ROBO2: variants seen among roughly 807,000 people sequenced by gnomAD.
The protein encoded by ROBO2 is roundabout homolog 2.
In ROBO2, 53 loss-of-function variants were observed where a neutral mutation model predicts 160.8. That is an observed-to-expected ratio of 0.33 (90% CI 0.26 to 0.41). The LOEUF (loss-of-function observed/expected upper bound fraction) is 0.41, where lower values mean the gene tolerates loss of function less well. Among genes scored for constraint, ROBO2 ranks in the 10% least tolerant of loss-of-function variants. The pLI is 1.00. For missense variants in ROBO2, 1,577 were observed against 1,722.4 expected, an observed-to-expected ratio of 0.92 and a Z score of 1.49; for synonymous variants, 664 against 611.7, an observed-to-expected ratio of 1.09 and a Z score of -1.26.
At position 77,477,526 on chromosome 3, in the gene ROBO2, G is replaced by GA. The variant is rs2084159949; in HGVS notation, c.507dup (p.Asp170ArgfsTer6). 1.2e-6 allele frequency: 2 copies of GA among 1,613,964 alleles called. No homozygotes were observed. Among genetic ancestry groups the GA allele is most frequent in the Non-Finnish European group, 1.7e-6 (2 of 1,179,976 alleles). On this transcript the variant is annotated frameshift_variant, in exon 3 of 26. Transcript: ENST00000461745. LOFTEE classifies it high-confidence loss of function. The stretch of plus-strand genomic sequence containing the variant: ...GACACCCAGAACCCACCATCTACTG[G>GA]AAAAAAGACAAAGTTCGAATTGATG...
intron 2 of ROBO2, among the ~76,000 whole-genome samples, chr3:77,428,512 G>A (rs1214909664): frequency 2.7e-5 from 4 of 150,406 alleles, no homozygotes; most frequent in East Asian, 2.0e-4. Context: ...ACCCGCCACC[G>A]CGCCCGGCTA....
intron 2 of ROBO2, among the ~76,000 whole-genome samples, chr3:76,424,949 T>A (rs942997999): frequency 7.2e-5 from 11 of 152,142 alleles, no homozygotes; most frequent in African/African-American, 2.7e-4. Flanking sequence ...CATAACCCTT[T>A]TTGGAAATCT....
rs547448412 is a variant in ROBO2, at chr3:77,240,626, GT to G, written c.388+142288del. On this transcript the variant is annotated intron_variant, in intron 2 of 25. Transcript: ENST00000461745. Reference sequence around the variant, plus strand: ...GAGAGTGAGCAAGGGCCACCAGCACGTTGTCACCTCTCACCTCGAATACTGT... The same window carrying G: ...GAGAGTGAGCAAGGGCCACCAGCACGTGTCACCTCTCACCTCGAATACTGT... 9.2e-5 allele frequency among the ~76,000 whole-genome samples: 14 copies of G among 152,332 alleles called. No individual in the cohort carries two copies. In the South Asian group the frequency reaches 2.9e-3, roughly 32 times the overall value.
At chr3:76,296,289 A>G (rs994397283) in intron 2 of ROBO2, among the ~76,000 whole-genome samples, 2 of 152,214 alleles carry the variant, frequency 1.3e-5, no homozygotes, top group African/African-American at 4.8e-5. Flanking sequence ...AGGCACCTGG[A>G]TTTCAGACCT....
intron 2 of ROBO2, among the ~76,000 whole-genome samples, chr3:76,272,803 A>T (rs868439181): frequency 1.5e-5 from 1 of 64,912 alleles, no homozygotes; most frequent in South Asian, 5.2e-4. Flanking sequence ...TATATATATA[A>T]AATATATAAT....
At chr3:76,418,820 A>G (rs898817861) in intron 2 of ROBO2, among the ~76,000 whole-genome samples, 6 of 152,076 alleles carry the variant, frequency 3.9e-5, no homozygotes, top group Non-Finnish European at 7.4e-5. Context: ...AGTTCTGTCA[A>G]TTGTTAACTG....
chr3:77,215,404 T>A (rs1274252564), intron 2 of ROBO2, among the ~76,000 whole-genome samples: 5 of 152,192 alleles, frequency 3.3e-5, no homozygotes, highest in African/African-American at 7.2e-5. Context: ...CATCATGTAG[T>A]TCTCGTGCCG....
intron 2 of ROBO2, among the ~76,000 whole-genome samples, chr3:76,818,095 G>C (rs996761938): frequency 6.6e-6 from 1 of 151,992 alleles, no homozygotes; most frequent in Admixed American, 6.6e-5. Flanking sequence ...CATAGTGGTT[G>C]TGCTAGTTTA....
intron 2 of ROBO2, among the ~76,000 whole-genome samples, chr3:76,149,172 T>C (rs2072044688): frequency 6.6e-6 from 1 of 152,116 alleles, no homozygotes. Context: ...TCAACTGCTT[T>C]AAAATACAAG....
intron 2 of ROBO2, among the ~76,000 whole-genome samples, chr3:76,760,450 ACTT>A: frequency 6.6e-6 from 1 of 151,762 alleles, no homozygotes; most frequent in East Asian, 2.0e-4. Context: ...TGCCAAGAAC[ACTT>A]CTTCTATAGC....
At chr3:76,614,504 GT>G (rs894240601) in intron 2 of ROBO2, among the ~76,000 whole-genome samples, 21 of 151,420 alleles carry the variant, frequency 1.4e-4, no homozygotes, top group Non-Finnish European at 2.4e-4. Flanking sequence ...CTCTGTGAGA[GT>G]TTTTTTTTAA....
At chr3:76,834,171 T>TTCTTTCTTTCTTTCTC (rs755070628) in intron 2 of ROBO2, among the ~76,000 whole-genome samples, 1 of 117,008 alleles carries the variant, frequency 8.5e-6, no homozygotes, top group East Asian at 3.1e-4. Context: ...CTTTCTTTCT[T>TTCTTTCTTTCTTTCTC]TCTCTCTCTC....
Position 76,780,273 on chromosome 3 carries a change from T to C in ROBO2, c.110-317741T>C, listed in dbSNP as rs1011225182. 4.0e-5 allele frequency among the ~76,000 whole-genome samples: 6 copies of C among 150,894 alleles called. No individual in the cohort carries two copies. The South Asian group carries it at 1.2e-3, about 31-fold the overall frequency. On this transcript the variant is annotated intron_variant, in intron 2 of 26. Transcript: ENST00000487694. Reference sequence around the variant, plus strand: ...TTTTTTAATTGAGTTTTGTTGGTTTTGTTTTGTTTAGTTGTGATTCAATTG... The same window carrying C: ...TTTTTTAATTGAGTTTTGTTGGTTTCGTTTTGTTTAGTTGTGATTCAATTG...
At chr3:77,257,646 C>T (rs2058508970) in intron 2 of ROBO2, among the ~76,000 whole-genome samples, 1 of 152,162 alleles carries the variant, frequency 6.6e-6, no homozygotes, top group Admixed American at 6.5e-5. Flanking sequence ...AAACCCTTTG[C>T]ACAGTTGTAC....
chr3:77,190,825 T>C (rs1204358091), intron 2 of ROBO2, among the ~76,000 whole-genome samples: 1 of 152,052 alleles, frequency 6.6e-6, no homozygotes, highest in African/African-American at 2.4e-5. Context: ...ACTTCTAAGA[T>C]GGTAGTAAAT....
intron 2 of ROBO2, among the ~76,000 whole-genome samples, chr3:76,776,728 C>T (rs2062288734): frequency 6.6e-6 from 1 of 150,930 alleles, no homozygotes; most frequent in Non-Finnish European, 1.5e-5. Context: ...TAATGGAGCA[C>T]ATATAGCAGA....
chr3:77,285,942 T>C (rs1020032068), intron 2 of ROBO2, among the ~76,000 whole-genome samples: 2 of 152,106 alleles, frequency 1.3e-5, no homozygotes, highest in African/African-American at 4.8e-5. Context: ...ATGCCCTATA[T>C]AAAACCAAAA....
chr3:77,059,265 G>T (rs986100911), intron 1 of ROBO2, among the ~76,000 whole-genome samples: 1 of 152,160 alleles, frequency 6.6e-6, no homozygotes, highest in African/African-American at 2.4e-5. Flanking sequence ...TTGAAAGCCT[G>T]GAAGAAAGTC....
In ROBO2 at chr3:76,042,868, T is replaced by C. The variant is rs535484814; in HGVS notation, c.109+105266T>C. 6.6e-5 allele frequency among the ~76,000 whole-genome samples: 10 copies of C among 152,114 alleles called. No individual in the cohort carries two copies. In the East Asian group the frequency reaches 1.9e-3, roughly 29 times the overall value. On this transcript the variant is annotated intron_variant, in intron 2 of 26. Transcript: ENST00000487694. Reference sequence around the variant, plus strand: ...GCTTGCTCAAATCAATCACGACCCTTTCTTGTGAAATCTTCAGTGTTGTGA... The same window carrying C: ...GCTTGCTCAAATCAATCACGACCCTCTCTTGTGAAATCTTCAGTGTTGTGA...
Sources: allele counts gnomAD v4.1 joint callset (sites outside exome capture counted in the v4.1 genomes callset), GRCh38; gene constraint gnomAD v4.1.1; transcripts MANE v1.5; gene names NCBI Gene and HGNC (gene_info 2026-07-23, HGNC 2026-07-21).